The following MAEA variants were observed in gnomAD, a reference collection of about 807,000 sequenced individuals.
The protein encoded by MAEA is macrophage erythroblast attacher, E3 ubiquitin ligase.
In MAEA, 22 loss-of-function variants were observed where a neutral mutation model predicts 46.2. The ratio of observed to expected loss-of-function variants is 0.48; its 90% CI spans 0.34 to 0.68. The LOEUF (loss-of-function observed/expected upper bound fraction) is 0.68, where lower values mean the gene tolerates loss of function less well. MAEA is among the 30% of genes least tolerant of loss of function. The pLI is 0.01. For missense variants in MAEA, 393 were observed against 558.1 expected, an observed-to-expected ratio of 0.70 and a Z score of 2.98; for synonymous variants, 246 against 222.6, an observed-to-expected ratio of 1.11 and a Z score of -0.94.
intron 1 of MAEA, among the ~76,000 whole-genome samples, chr4:1,307,763 C>A (rs577224305): frequency 6.6e-6 from 1 of 152,132 alleles, no homozygotes; most frequent in African/African-American, 2.4e-5. Context: ...AGTTCTGATG[C>A]CAAAGGGCAG....
At chr4:1,327,604 C>G (rs773084039) in intron 4 of MAEA, 23 bp from the exon 5 acceptor site, 16 of 1,594,654 alleles carry the variant, frequency 1.0e-5, no homozygotes, top group Non-Finnish European at 1.4e-5. Context: ...CTGTCTAAGC[C>G]CTCGTCTTGT....
Position 1,321,448 on chromosome 4 carries a change from A to G in MAEA, c.457-933A>G, listed in dbSNP as rs781543423. Among the ~76,000 whole-genome samples, 11 of 152,366 alleles carry G rather than the reference A, an allele frequency of 7.2e-5. No homozygotes were observed. The South Asian group carries it at 1.2e-3, about 17-fold the overall frequency. On this transcript the variant is annotated intron_variant, in intron 3 of 8. Transcript: ENST00000303400. ...CAAAGCAAACATGCAAGAAAATGCT[A>G]TGAAGGGGTTTCAGAAACAAGAAAT...
intron 3 of MAEA, among the ~76,000 whole-genome samples, chr4:1,320,689 GAAAT>G (rs1737966460): frequency 6.6e-6 from 1 of 151,100 alleles, no homozygotes; most frequent in African/African-American, 2.4e-5. Flanking sequence ...TTTCAGAAAA[GAAAT>G]CATCAACATG....
rs1211699159 is a variant in MAEA, at chr4:1,334,068, G to GCCCAC, written c.765+1206_765+1207insACCCC. Among the ~76,000 whole-genome samples the GCCCAC allele has an allele frequency of 1.6e-3, 27 of 16,988 alleles. 10 individuals carry two copies. The highest frequency in any genetic ancestry group is 2.0e-3 in the Non-Finnish European group (17 of 8,418). 11.1% of individuals were successfully genotyped at this position (16,988 alleles called of 152,430 possible). A position where few individuals can be genotyped will look rare whatever the true frequency, so the allele number is the denominator to read the frequency against. On this transcript the variant is annotated intron_variant, in intron 6 of 8. Coordinates refer to ENST00000303400, the MANE Select transcript of MAEA (RefSeq NM_001017405.3). ...TGCTCACCCCTGCACCCACCCCCATGCCCGTGTGCTCACCCCTGCACCCAT... is the reference window on the plus strand; with the variant it reads ...TGCTCACCCCTGCACCCACCCCCATGCCCACCCCGTGTGCTCACCCCTGCACCCAT...
At chr4:1,308,671 G>C (rs557149342) in intron 1 of MAEA, among the ~76,000 whole-genome samples, 51 of 152,370 alleles carry the variant, frequency 3.3e-4, no homozygotes, top group African/African-American at 1.1e-3. Context: ...GGTTGGTCGT[G>C]TGGAGCATCT....
intron 4 of MAEA, among the ~76,000 whole-genome samples, chr4:1,324,068 G>A (rs1408968621): frequency 6.6e-6 from 1 of 151,982 alleles, no homozygotes; most frequent in Admixed American, 6.5e-5. Context: ...TGTGTCTGGT[G>A]TTGGATGGAG....
intron 3 of MAEA, among the ~76,000 whole-genome samples, chr4:1,316,309 C>T (rs181125109): frequency 0.012 from 1,806 of 150,034 alleles, 33 homozygotes; most frequent in African/African-American, 0.042. Context: ...TCTCTGCCAT[C>T]GGGCAGTTGT....
At chr4:1,315,731 C>G (rs1737048939) in intron 3 of MAEA, 131 bp downstream of exon 3, 5 of 655,116 alleles carry the variant, frequency 7.6e-6, no homozygotes, top group Non-Finnish European at 1.0e-5. Context: ...CCCCCGTATG[C>G]TTGTGTTCCC....
chr4:1,336,817 T>C, intron 6 of MAEA, 44 bp from the exon 7 acceptor site: 1 of 1,588,406 alleles, frequency 6.3e-7, no homozygotes, highest in Non-Finnish European at 8.6e-7. Flanking sequence ...TCCCAGGAGC[T>C]TCCCTGGGAG....
chr4:1,305,123 T>A (rs1735705943), intron 1 of MAEA, among the ~76,000 whole-genome samples: 1 of 152,246 alleles, frequency 6.6e-6, no homozygotes, highest in South Asian at 2.1e-4. Context: ...GTCTTCATTT[T>A]TTCATTTTTT....
At chr4:1,298,555 C>T (rs770576246) in intron 1 of MAEA, among the ~76,000 whole-genome samples, 19 of 152,340 alleles carry the variant, frequency 1.2e-4, no homozygotes, top group Non-Finnish European at 2.1e-4. Context: ...ATAGTCAGGG[C>T]ACCAGGTAAC....
chr4:1,321,932 G>A (rs1738180469), intron 3 of MAEA, among the ~76,000 whole-genome samples: 1 of 149,274 alleles, frequency 6.7e-6, no homozygotes, highest in Non-Finnish European at 1.5e-5. Flanking sequence ...CGCGATATTA[G>A]CCATAATGTG....
intron 1 of MAEA, among the ~76,000 whole-genome samples, chr4:1,307,107 T>A (rs899446691): frequency 6.6e-6 from 1 of 152,238 alleles, no homozygotes; most frequent in Non-Finnish European, 1.5e-5. Flanking sequence ...TTATCAAAAT[T>A]CATTAGAATT....
intron 1 of MAEA, among the ~76,000 whole-genome samples, chr4:1,303,893 C>CGGCAGGGCAGGGTGGGGGTCG (rs1735571348): frequency 1.0e-5 from 1 of 100,062 alleles, no homozygotes; most frequent in Admixed American, 1.2e-4. Flanking sequence ...CAGGGGGGTC[C>CGGCAGGGCAGGGTGGGGGTCG]GGCAGGGCAG....
intron 5 of MAEA, chr4:1,329,012 T>G: frequency 2.0e-6 from 2 of 986,340 alleles, no homozygotes; most frequent in Non-Finnish European, 2.4e-6. Context: ...GTGGCCTCGG[T>G]GCCTGTGTCG....
intron 1 of MAEA, among the ~76,000 whole-genome samples, chr4:1,294,143 G>T (rs550219650): frequency 2.0e-5 from 3 of 152,314 alleles, no homozygotes; most frequent in African/African-American, 7.2e-5. Flanking sequence ...TCCAGAATCC[G>T]CCCGGTCTCT....
chr4:1,338,138 G>A, intron 7 of MAEA: 1 of 406,822 alleles, frequency 2.5e-6, no homozygotes, highest in Non-Finnish European at 4.5e-6. Context: ...AGGTTGCGTG[G>A]CCGGGGAGAG....
At chr4:1,297,657 G>C (rs376734212) in intron 1 of MAEA, among the ~76,000 whole-genome samples, 1 of 152,140 alleles carries the variant, frequency 6.6e-6, no homozygotes, top group East Asian at 1.9e-4. Context: ...CCTTTAGAGC[G>C]TCTGCTCTGC....
chr4:1,323,336 C>G (rs899472363), intron 4 of MAEA, among the ~76,000 whole-genome samples: 10 of 152,146 alleles, frequency 6.6e-5, no homozygotes, highest in African/African-American at 2.4e-4. Context: ...GCATTGTCAC[C>G]CTAGGGGCTT....
Sources: allele counts gnomAD v4.1 joint callset (sites outside exome capture counted in the v4.1 genomes callset), GRCh38; gene constraint gnomAD v4.1.1; transcripts MANE v1.5; gene names NCBI Gene and HGNC (gene_info 2026-07-23, HGNC 2026-07-21).